CLNK: variants seen among roughly 807,000 people sequenced by gnomAD.
CLNK encodes cytokine-dependent hematopoietic cell linker.
In CLNK, 74 loss-of-function variants were observed where a neutral mutation model predicts 68.6. That is an observed-to-expected ratio of 1.08 (90% CI 0.89 to 1.31). The LOEUF (loss-of-function observed/expected upper bound fraction) is 1.31, where lower values mean the gene tolerates loss of function less well. Among genes scored for constraint, CLNK ranks in the 50% most tolerant of loss-of-function variants. The probability of loss-of-function intolerance (pLI) is 0.00; values close to 1 mark genes in which losing one functional copy is unlikely to be tolerated. For missense variants in CLNK, 553 were observed against 515.3 expected (o/e 1.07, Z -0.71); for synonymous variants, 198 against 172.2 (o/e 1.15, Z -1.17).
intron 17 of CLNK, among the ~76,000 whole-genome samples, chr4:10,507,351 A>G (rs997270379): frequency 3.3e-5 from 5 of 151,468 alleles, no homozygotes; most frequent in African/African-American, 1.2e-4. Flanking sequence ...ACCTCAGGTG[A>G]TCCACCCGCC....
In CLNK at chr4:10,675,755, G is replaced by A. The variant is rs539035748; in HGVS notation, c.-42-7844C>T. Among the ~76,000 whole-genome samples, 221 of 152,148 alleles carry A rather than the reference G, an allele frequency of 1.5e-3. 1 individual carries two copies. The highest frequency in any genetic ancestry group is 5.1e-3 in the African/African-American group (213 of 41,464). On this transcript the variant is annotated intron_variant, in intron 1 of 18. Transcript: ENST00000226951. The stretch of plus-strand genomic sequence containing the variant: ...TCTACAAGATACCTTCTAGATATAG[G>A]AAATGACCAAAAGCAAACTGTGAAC...
chr4:10,544,208 T>C (rs1450827362), intron 8 of CLNK, among the ~76,000 whole-genome samples: 1 of 152,214 alleles, frequency 6.6e-6, no homozygotes, highest in Non-Finnish European at 1.5e-5. Context: ...GTTCCTGTAA[T>C]TTAATAGGAA....
intron 2 of CLNK, among the ~76,000 whole-genome samples, chr4:10,655,973 C>T (rs1335670431): frequency 1.3e-5 from 2 of 151,676 alleles, no homozygotes; most frequent in Non-Finnish European, 2.9e-5. Flanking sequence ...TATATAGAGC[C>T]GGGTAAATTG....
chr4:10,498,326 A>T (rs996618104), intron 18 of CLNK, among the ~76,000 whole-genome samples: 3 of 151,246 alleles, frequency 2.0e-5, no homozygotes, highest in African/African-American at 4.9e-5. Flanking sequence ...CGTCTCTACT[A>T]AAAAAATACA....
chr4:10,658,202 A>G (rs779187511), intron 2 of CLNK, among the ~76,000 whole-genome samples: 55 of 152,230 alleles, frequency 3.6e-4, no homozygotes, highest in Non-Finnish European at 5.4e-4. Context: ...ACCTCTTATT[A>G]GCATCCTGCT....
At chr4:10,610,485 C>G (rs1389514130) in intron 2 of CLNK, among the ~76,000 whole-genome samples, 1 of 151,990 alleles carries the variant, frequency 6.6e-6, no homozygotes, top group Admixed American at 6.6e-5. Flanking sequence ...CTTTTTCCCC[C>G]CTCTTCTTTT....
At chr4:10,635,313 C>T (rs559159457) in intron 2 of CLNK, among the ~76,000 whole-genome samples, 20 of 152,252 alleles carry the variant, frequency 1.3e-4, no homozygotes, top group East Asian at 9.7e-4. Flanking sequence ...CCTCTCCTGA[C>T]AGTGAAGTGT....
At chr4:10,730,610 G>T in the CLNK span, among the ~76,000 whole-genome samples, 230 of 152,092 alleles carry the variant, frequency 1.5e-3, 2 homozygotes, top group Non-Finnish European at 3.1e-3. Context: ...TAGAACCACC[G>T]CTGAAATACA....
At chr4:10,712,471 T>C in the CLNK span, among the ~76,000 whole-genome samples, 1 of 152,194 alleles carries the variant, frequency 6.6e-6, no homozygotes, top group African/African-American at 2.4e-5. Flanking sequence ...TGGGAGGAAT[T>C]TAGCTTATAG....
intron 17 of CLNK, among the ~76,000 whole-genome samples, chr4:10,502,261 G>T (rs191011092): frequency 2.0e-5 from 3 of 152,324 alleles, no homozygotes; most frequent in Admixed American, 1.3e-4. Flanking sequence ...CAGGCGGAAG[G>T]CGAAGGGGAA....
At chr4:10,671,868 T>C (rs1057290370) in intron 1 of CLNK, among the ~76,000 whole-genome samples, 23 of 152,192 alleles carry the variant, frequency 1.5e-4, no homozygotes, top group African/African-American at 3.9e-4. Context: ...CAGCAAACTA[T>C]AGAAGAAACA....
chr4:10,497,082 C>G (rs1716838580), intron 18 of CLNK, among the ~76,000 whole-genome samples: 1 of 152,082 alleles, frequency 6.6e-6, no homozygotes, highest in Non-Finnish European at 1.5e-5. Flanking sequence ...CAAACTATAC[C>G]GCATCCCAGA....
intron 1 of CLNK, among the ~76,000 whole-genome samples, chr4:10,668,472 A>G (rs1392923524): frequency 6.6e-6 from 1 of 152,200 alleles, no homozygotes; most frequent in Non-Finnish European, 1.5e-5. Flanking sequence ...CAATGATCTC[A>G]TATAATCTAC....
intron 3 of CLNK, among the ~76,000 whole-genome samples, chr4:10,590,752 G>A (rs865991474): frequency 6.6e-6 from 1 of 152,138 alleles, no homozygotes; most frequent in Non-Finnish European, 1.5e-5. Flanking sequence ...AAACAAGGAA[G>A]GATGGAAAGT....
intron 8 of CLNK, among the ~76,000 whole-genome samples, chr4:10,551,762 T>A (rs2108814505): frequency 6.6e-6 from 1 of 152,254 alleles, no homozygotes. Context: ...TACTAAATAT[T>A]ATTGGTTGAA....
intron 2 of CLNK, among the ~76,000 whole-genome samples, chr4:10,660,448 A>G (rs945270128): frequency 2.0e-5 from 3 of 152,246 alleles, no homozygotes; most frequent in African/African-American, 7.2e-5. Context: ...CCGTTTTTCA[A>G]TGATTCATTT....
the CLNK span, among the ~76,000 whole-genome samples, chr4:10,728,268 A>G: frequency 6.6e-6 from 1 of 152,190 alleles, no homozygotes; most frequent in African/African-American, 2.4e-5. Flanking sequence ...TCTCCCCAAA[A>G]ACAATATTTG....
chr4:10,696,328 C>T, the CLNK span, among the ~76,000 whole-genome samples: 13 of 152,278 alleles, frequency 8.5e-5, no homozygotes, highest in Non-Finnish European at 1.5e-4. Flanking sequence ...GCTTCATCTG[C>T]CCCCTTTGCT....
At chr4:10,608,381 C>T (rs961521796) in intron 2 of CLNK, among the ~76,000 whole-genome samples, 6 of 152,164 alleles carry the variant, frequency 3.9e-5, no homozygotes, top group Non-Finnish European at 8.8e-5. Flanking sequence ...CTACATCTTC[C>T]AACTCTCCTT....
Sources: allele counts gnomAD v4.1 joint callset (sites outside exome capture counted in the v4.1 genomes callset), GRCh38; gene constraint gnomAD v4.1.1; transcripts MANE v1.5; gene names NCBI Gene and HGNC (gene_info 2026-07-23, HGNC 2026-07-21).